Variants in MAGI2 observed in about 807,000 individuals in gnomAD.
MAGI2 encodes the protein membrane-associated guanylate kinase, WW and PDZ domain-containing protein 2.
MAGI2 carries 35 observed loss-of-function variants against 133.3 expected under a neutral mutation model. That is an observed-to-expected ratio of 0.26 (90% CI 0.20 to 0.35). The LOEUF (loss-of-function observed/expected upper bound fraction) is 0.35, where lower values mean the gene tolerates loss of function less well. Ranked by LOEUF, MAGI2 falls within the 10% of genes least tolerant of loss-of-function variation. MAGI2 has a pLI of 1.00. For synonymous variants in MAGI2, 729 were observed against 710.6 expected (o/e 1.03, Z -0.41); for missense variants, 1,636 against 1,863.4 (o/e 0.88, Z 2.25).
intron 9 of MAGI2, among the ~76,000 whole-genome samples, chr7:78,291,356 C>A (rs1796692796): frequency 6.6e-6 from 1 of 152,170 alleles, no homozygotes; most frequent in African/African-American, 2.4e-5. Context: ...TTCCTGGACA[C>A]ATACACCATC....
chr7:79,296,891 T>C (rs1222275534), intron 1 of MAGI2, among the ~76,000 whole-genome samples: 1 of 152,166 alleles, frequency 6.6e-6, no homozygotes, highest in Non-Finnish European at 1.5e-5. Context: ...TTGAATGATA[T>C]CACTACAAAG....
In MAGI2 at chr7:78,564,050, CTG is replaced by C. The variant is rs377706337; in HGVS notation, c.539-42407_539-42406del. ...ATTAATTTCTATGATAAAAGGGAAACTGTAAATTTTCAAATTTTGTAGGTATG... is the reference window on the plus strand; with the variant it reads ...ATTAATTTCTATGATAAAAGGGAAACTAAATTTTCAAATTTTGTAGGTATG... On this transcript the variant is annotated intron_variant, in intron 3 of 21. Coordinates refer to ENST00000354212, the MANE Select transcript of MAGI2 (RefSeq NM_012301.4). Among the ~76,000 whole-genome samples, 7 of 152,160 alleles carry C rather than the reference CTG, an allele frequency of 4.6e-5. No individual in the cohort carries two copies. The South Asian group carries it at 1.5e-3, about 32-fold the overall frequency.
intron 1 of MAGI2, among the ~76,000 whole-genome samples, chr7:79,419,257 C>T (rs966417865): frequency 6.6e-6 from 1 of 152,000 alleles, no homozygotes; most frequent in African/African-American, 2.4e-5. Context: ...ATACCCAGTT[C>T]TTGACATGAT....
At chr7:78,224,767 A>G (rs191623085) in intron 10 of MAGI2, among the ~76,000 whole-genome samples, 1 of 148,522 alleles carries the variant, frequency 6.7e-6, no homozygotes, top group Admixed American at 6.7e-5. Flanking sequence ...AATAACAGAC[A>G]GTTTTCCACC....
intron 10 of MAGI2, among the ~76,000 whole-genome samples, chr7:78,231,327 C>G (rs1789947699): frequency 6.6e-6 from 1 of 152,180 alleles, no homozygotes; most frequent in Admixed American, 6.5e-5. Flanking sequence ...GAGGAATACT[C>G]TTTGGAATTC....
At chr7:79,015,785 A>G (rs1423842399) in intron 1 of MAGI2, among the ~76,000 whole-genome samples, 1 of 152,078 alleles carries the variant, frequency 6.6e-6, no homozygotes, top group African/African-American at 2.4e-5. Flanking sequence ...TGCACAATTT[A>G]TGGTATGTTG....
At chr7:78,480,030 T>G (rs1306900066) in intron 6 of MAGI2, among the ~76,000 whole-genome samples, 1 of 151,842 alleles carries the variant, frequency 6.6e-6, no homozygotes, top group African/African-American at 2.4e-5. Context: ...TAAAGACAGA[T>G]CCACAAAGTT....
chr7:79,071,340 C>T (rs555737336), intron 1 of MAGI2, among the ~76,000 whole-genome samples: 10 of 152,248 alleles, frequency 6.6e-5, no homozygotes, highest in African/African-American at 2.4e-4. Flanking sequence ...AGAGGGGCAC[C>T]CCCCCAGATG....
chr7:78,293,325 C>G (rs923820427), intron 9 of MAGI2, among the ~76,000 whole-genome samples: 6 of 152,092 alleles, frequency 3.9e-5, no homozygotes, highest in Non-Finnish European at 5.9e-5. Context: ...CCAACAGACA[C>G]GTGAAAAAAT....
At chr7:78,435,261 T>G (rs576664697) in intron 6 of MAGI2, among the ~76,000 whole-genome samples, 259 of 152,278 alleles carry the variant, frequency 1.7e-3, no homozygotes, top group African/African-American at 5.9e-3. Context: ...GTTAGTATTA[T>G]TATGCTCTTC....
chr7:78,265,919 A>T (rs1332607555), intron 9 of MAGI2, among the ~76,000 whole-genome samples: 3 of 152,332 alleles, frequency 2.0e-5, no homozygotes, highest in East Asian at 3.9e-4. Context: ...CCTGAAATGA[A>T]GGGACTGCTG....
intron 21 of MAGI2, among the ~76,000 whole-genome samples, chr7:78,073,602 G>T (rs1642508245): frequency 6.6e-6 from 1 of 152,188 alleles, no homozygotes; most frequent in Non-Finnish European, 1.5e-5. Context: ...CTCCACTTTG[G>T]TCTGAACTGC....
chr7:78,998,604 T>C, intron 2 of MAGI2, among the ~76,000 whole-genome samples: 1 of 152,178 alleles, frequency 6.6e-6, no homozygotes, highest in East Asian at 1.9e-4. Flanking sequence ...TATACTGCAA[T>C]GTGTAAATAA....
chr7:79,147,004 G>T (rs1057338483), intron 1 of MAGI2, among the ~76,000 whole-genome samples: 6 of 152,188 alleles, frequency 3.9e-5, no homozygotes, highest in Admixed American at 1.3e-4. Context: ...AAAGTGTTAA[G>T]AATGCAGGAT....
intron 1 of MAGI2, among the ~76,000 whole-genome samples, chr7:79,373,527 C>G (rs1039142883): frequency 6.6e-6 from 1 of 151,946 alleles, no homozygotes; most frequent in Admixed American, 6.6e-5. Flanking sequence ...AATGTATTAT[C>G]TAGCACAAAA....
chr7:79,189,850 A>G (rs976769354), intron 1 of MAGI2, among the ~76,000 whole-genome samples: 9 of 151,836 alleles, frequency 5.9e-5, no homozygotes, highest in African/African-American at 2.2e-4. Context: ...CTTTTCCAGA[A>G]TGTCCTATAG....
chr7:78,858,999 A>C (rs147619049), intron 2 of MAGI2, among the ~76,000 whole-genome samples: 39 of 150,952 alleles, frequency 2.6e-4, no homozygotes, highest in East Asian at 9.8e-4. Context: ...TAATGGCCTT[A>C]TTTGTCTCTT....
intron 6 of MAGI2, among the ~76,000 whole-genome samples, chr7:78,400,124 T>C (rs894340574): frequency 1.2e-4 from 19 of 152,282 alleles, no homozygotes; most frequent in African/African-American, 3.8e-4. Context: ...AAACCTAACC[T>C]GTAAATATAA....
chr7:78,538,709 C>T (rs1219833871), intron 3 of MAGI2, among the ~76,000 whole-genome samples: 1 of 152,104 alleles, frequency 6.6e-6, no homozygotes, highest in Non-Finnish European at 1.5e-5. Flanking sequence ...TGAAACTTCA[C>T]TGAATTCATT....
Sources: gnomAD v4.1 joint callset for allele counts (sites outside exome capture counted in the v4.1 genomes callset) on GRCh38, gnomAD v4.1.1 for gene constraint, MANE v1.5 for transcripts, NCBI Gene and HGNC (gene_info 2026-07-23, HGNC 2026-07-21) for gene names.